RBFOX1: variants seen among roughly 807,000 people sequenced by gnomAD.
RBFOX1 encodes RNA binding protein fox-1 homolog 1.
In RBFOX1, 8 loss-of-function variants were observed where a neutral mutation model predicts 57.7. The ratio of observed to expected loss-of-function variants is 0.14; its 90% CI spans 0.08 to 0.25. The LOEUF is 0.25. Ranked by LOEUF, RBFOX1 falls within the 10% of genes least tolerant of loss-of-function variation. RBFOX1 has a pLI of 1.00. For missense variants in RBFOX1, 611 were observed against 548.5 expected, an observed-to-expected ratio of 1.11 and a Z score of -1.14; for synonymous variants, 326 against 222.4, an observed-to-expected ratio of 1.47 and a Z score of -4.15.
chr16:7,174,129 A>G (rs559755571), intron 4 of RBFOX1, among the ~76,000 whole-genome samples: 17 of 152,174 alleles, frequency 1.1e-4, no homozygotes, highest in Non-Finnish European at 2.1e-4. Flanking sequence ...AATCCACACA[A>G]TGTGTGATCT....
intron 2 of RBFOX1, among the ~76,000 whole-genome samples, chr16:5,496,171 C>T (rs2042995356): frequency 6.6e-6 from 1 of 152,086 alleles, no homozygotes; most frequent in South Asian, 2.1e-4. Flanking sequence ...CAATGGAAGC[C>T]CCAAACCCCG....
intron 1 of RBFOX1, among the ~76,000 whole-genome samples, chr16:5,395,716 C>T (rs138636929): frequency 7.9e-5 from 12 of 152,272 alleles, no homozygotes; most frequent in Non-Finnish European, 1.5e-4. Flanking sequence ...CTCTGTTGCA[C>T]CTCTGATTAT....
In RBFOX1 at chr16:5,493,500, C is replaced by G. The variant is rs551207363; in HGVS notation, c.258+26246C>G. Among the ~76,000 whole-genome samples the G allele has an allele frequency of 2.0e-5, 3 of 152,328 alleles. No individual in the cohort carries two copies. In the South Asian group the frequency reaches 6.2e-4, roughly 32 times the overall value. ...CTTCCACGTTGAAGCAAAAAGTACC[C>G]TGCCTCCATCAGCCTAGCAAAACTT... On this transcript the variant is annotated intron_variant, in intron 2 of 2. Coordinates refer to the RBFOX1 transcript ENST00000585867.
intron 3 of RBFOX1, among the ~76,000 whole-genome samples, chr16:7,051,545 T>TG (rs2050086998): frequency 6.6e-6 from 1 of 152,236 alleles, no homozygotes; most frequent in African/African-American, 2.4e-5. Flanking sequence ...CACAATCCTA[T>TG]GGGGACTTAC....
chr16:5,643,444 C>G (rs1047543980), intron 3 of RBFOX1, among the ~76,000 whole-genome samples: 2 of 152,126 alleles, frequency 1.3e-5, no homozygotes, highest in African/African-American at 4.8e-5. Context: ...ACAAGGTTTC[C>G]TGATACATAA....
intron 3 of RBFOX1, among the ~76,000 whole-genome samples, chr16:5,829,916 C>G (rs1485006065): frequency 1.3e-5 from 2 of 152,144 alleles, no homozygotes; most frequent in Non-Finnish European, 2.9e-5. Context: ...AGGTGACTTA[C>G]TGGCATAGAC....
chr16:5,812,460 T>C (rs891999889), intron 3 of RBFOX1, among the ~76,000 whole-genome samples: 27 of 24,796 alleles, frequency 1.1e-3, no homozygotes, highest in East Asian at 3.4e-3. Flanking sequence ...CTTTTTCTCT[T>C]TTTTTTTTTT....
At chr16:5,850,047 C>T (rs1412322375) in intron 3 of RBFOX1, among the ~76,000 whole-genome samples, 1 of 152,150 alleles carries the variant, frequency 6.6e-6, no homozygotes, top group Non-Finnish European at 1.5e-5. Context: ...CTTCTGTCTC[C>T]ACCAGTTTCA....
chr16:5,851,531 C>A (rs889327240), intron 3 of RBFOX1, among the ~76,000 whole-genome samples: 3 of 152,134 alleles, frequency 2.0e-5, no homozygotes, highest in Non-Finnish European at 2.9e-5. Flanking sequence ...CTGGGCAGGA[C>A]GAGGTAATAA....
At chr16:5,785,515 C>G (rs80310491) in intron 3 of RBFOX1, among the ~76,000 whole-genome samples, 1 of 149,550 alleles carries the variant, frequency 6.7e-6, no homozygotes, top group Non-Finnish European at 1.5e-5. Context: ...TTTCTTTTTT[C>G]TTTCTTTCTT....
intron 3 of RBFOX1, among the ~76,000 whole-genome samples, chr16:6,788,019 T>C (rs567388055): frequency 3.7e-4 from 57 of 152,168 alleles, no homozygotes; most frequent in Non-Finnish European, 6.6e-4. Context: ...GGTCAGGAGT[T>C]CGAGACCAGC....
At chr16:7,087,896 T>C (rs1567209934) in intron 4 of RBFOX1, among the ~76,000 whole-genome samples, 1 of 151,542 alleles carries the variant, frequency 6.6e-6, no homozygotes, top group African/African-American at 2.4e-5. Flanking sequence ...CTCTTTCTCT[T>C]TCTCTCTCTC....
At chr16:6,995,865 A>T (rs2092175033) in intron 3 of RBFOX1, among the ~76,000 whole-genome samples, 1 of 152,248 alleles carries the variant, frequency 6.6e-6, no homozygotes, top group Non-Finnish European at 1.5e-5. Context: ...ACAGACAAGT[A>T]TCTGATTCTC....
chr16:6,546,545 A>G (rs1008143373), intron 2 of RBFOX1, among the ~76,000 whole-genome samples: 2 of 152,028 alleles, frequency 1.3e-5, no homozygotes, highest in Non-Finnish European at 1.5e-5. Context: ...GTCTGCTTCT[A>G]CTTTCATGTG....
At chr16:6,165,687 C>T (rs896893137) in intron 1 of RBFOX1, among the ~76,000 whole-genome samples, 2 of 152,196 alleles carry the variant, frequency 1.3e-5, no homozygotes, top group Non-Finnish European at 1.5e-5. Context: ...AACGTCTAAA[C>T]GCACAACATG....
chr16:7,254,979 C>T (rs749719198), intron 4 of RBFOX1, among the ~76,000 whole-genome samples: 12 of 152,114 alleles, frequency 7.9e-5, no homozygotes, highest in Admixed American at 1.3e-4. Flanking sequence ...GTGTTTTCCA[C>T]AGTTTTCTTG....
At chr16:6,665,060 A>G (rs1406299200) in intron 3 of RBFOX1, among the ~76,000 whole-genome samples, 5 of 152,238 alleles carry the variant, frequency 3.3e-5, no homozygotes, top group Non-Finnish European at 2.9e-5. Flanking sequence ...AGTGACAGTT[A>G]TGAGTAAAGT....
intron 14 of RBFOX1, among the ~76,000 whole-genome samples, chr16:7,695,163 C>A (rs569066062): frequency 1.3e-5 from 2 of 152,218 alleles, no homozygotes; most frequent in East Asian, 3.9e-4. Context: ...TATCCCTAGT[C>A]CTTTGATGGC....
At chr16:5,846,607 C>G (rs114130083) in intron 3 of RBFOX1, among the ~76,000 whole-genome samples, 3 of 152,182 alleles carry the variant, frequency 2.0e-5, no homozygotes, top group African/African-American at 7.2e-5. Context: ...AGCTGAGACC[C>G]AACCCTGTCC....
Sources: gnomAD v4.1 joint callset for allele counts (sites outside exome capture counted in the v4.1 genomes callset) on GRCh38, gnomAD v4.1.1 for gene constraint, MANE v1.5 for transcripts, NCBI Gene and HGNC (gene_info 2026-07-23, HGNC 2026-07-21) for gene names.